The following PFKL variants were observed in gnomAD, a reference collection of about 807,000 sequenced individuals.
PFKL encodes the protein ATP-dependent 6-phosphofructokinase, liver type.
A neutral mutation model predicts 92.1 loss-of-function variants in PFKL; 74 were observed. The ratio of observed to expected loss-of-function variants is 0.80; its 90% CI spans 0.67 to 0.97. The LOEUF is 0.97. Among genes scored for constraint, PFKL ranks in the 50% least tolerant of loss-of-function variants. The pLI, the probability that PFKL is intolerant of heterozygous loss-of-function variation, is 0.00. For missense variants in PFKL, 1,028 were observed against 1,116.6 expected (o/e 0.92, Z 1.13); for synonymous variants, 494 against 456.4 (o/e 1.08, Z -1.05).
At chr21:44,323,707 T>A in intron 15 of PFKL, 59 bp from the exon 16 acceptor site, 2 of 1,550,316 alleles carry the variant, frequency 1.3e-6, no homozygotes, top group Non-Finnish European at 1.7e-6. Context: ...GCAGAGCCTG[T>A]CCCCGGCCCA....
chr21:44,322,222 G>T lies in PFKL; in HGVS notation c.1409+19G>T. On this transcript the variant is annotated intron_variant, in intron 14 of 21. Coordinates refer to ENST00000349048, the MANE Select transcript of PFKL (RefSeq NM_002626.6). ...CCAAGAGGTGAGCTGCCTGCTGCGG[G>T]TACCTGGGGGCAGGAGGGCCAGGGC... 5 of 1,593,396 alleles carry T rather than the reference G, an allele frequency of 3.1e-6. No homozygotes were observed. Among genetic ancestry groups the T allele is most frequent in the Non-Finnish European group, 4.3e-6 (5 of 1,173,626 alleles).
chr21:44,322,232 G>A (rs2277808), intron 14 of PFKL, 29 bp downstream of exon 14: 963,444 of 1,583,788 alleles, frequency 0.61, 299,552 homozygotes, highest in South Asian at 0.65. Context: ...GTACCTGGGG[G>A]CAGGAGGGCC....
intron 2 of PFKL, chr21:44,307,395 C>A: frequency 1.4e-6 from 1 of 695,070 alleles, no homozygotes; most frequent in Non-Finnish European, 1.8e-6. Context: ...ACTTGGGCCA[C>A]ACCACGCACT....
chr21:44,303,441 A>AAAAAAAAGACTTGATCG lies in PFKL; in HGVS notation c.86-3233_86-3232insGACTTGATCGAAAAAAA, dbSNP rs1568939634. Reference sequence around the variant, plus strand: ...AAAAAAACAGACTTGACCAAAAAAAAAAAAAAAAAAAAAATGGCCCGGCCT... The same window carrying AAAAAAAAGACTTGATCG: ...AAAAAAACAGACTTGACCAAAAAAAAAAAAAAAGACTTGATCGAAAAAAAAAAAAAATGGCCCGGCCT... On this transcript the variant is annotated intron_variant, in intron 1 of 21. Transcript: ENST00000349048. 7.2e-3 allele frequency among the ~76,000 whole-genome samples: 698 copies of AAAAAAAAGACTTGATCG among 97,082 alleles called. 114 individuals carry two copies. The highest frequency in any genetic ancestry group is 0.02 in the African/African-American group (375 of 18,958). 63.7% of individuals were successfully genotyped at this position (97,082 alleles called of 152,430 possible).
At position 44,312,924 on chromosome 21, in the gene PFKL, C is replaced by T. The variant is rs1257274165; in HGVS notation, c.428-54C>T. 18 of 1,586,752 alleles carry T rather than the reference C, an allele frequency of 1.1e-5. No homozygotes were observed. The East Asian group carries it at 1.8e-4, about 16-fold the overall frequency. ...GGTGGCAGGAGAGGGGTCTCTGGCCCTGTGGTGGGGCCAGTGGAGCCTCAG... is the reference window on the plus strand; with the variant it reads ...GGTGGCAGGAGAGGGGTCTCTGGCCTTGTGGTGGGGCCAGTGGAGCCTCAG... On this transcript the variant is annotated intron_variant, in intron 4 of 21. Coordinates refer to ENST00000349048, the MANE Select transcript of PFKL (RefSeq NM_002626.6).
chr21:44,307,120 C>T lies in PFKL; in HGVS notation c.159+366C>T, dbSNP rs142101651. 861 of 196,108 alleles carry T rather than the reference C, an allele frequency of 4.4e-3. 6 individuals carry two copies. Among genetic ancestry groups the T allele is most frequent in the Admixed American group, 0.026 (395 of 15,346 alleles). The allele number at this position is 196,108 out of a possible 1,614,324, so 12.1% of individuals were successfully genotyped here. On this transcript the variant is annotated intron_variant, in intron 2 of 21. Coordinates refer to ENST00000349048, the MANE Select transcript of PFKL (RefSeq NM_002626.6). ...TCCCCCAGCCTGGCCCTTGTCCCGC[C>T]CCGAGGCCTCTGTGAGTGGGGGCCA...
intron 1 of PFKL, among the ~76,000 whole-genome samples, chr21:44,300,402 C>T (rs917145945): frequency 6.6e-6 from 1 of 152,074 alleles, no homozygotes; most frequent in Admixed American, 6.5e-5. Flanking sequence ...ACGTTCTCGG[C>T]CTCCGCCTGG....
chr21:44,304,688 C>CT (rs558509269), intron 1 of PFKL, among the ~76,000 whole-genome samples: 1,511 of 127,220 alleles, frequency 0.012, 13 homozygotes, highest in South Asian at 0.022. Flanking sequence ...GCTCAGCTGT[C>CT]TGGGGGGGGC....
rs743482 is a variant in PFKL at position 44,324,092 on chromosome 21, T to C, written c.1650+174T>C. 1.5e-3 allele frequency among the ~76,000 whole-genome samples: 228 copies of C among 152,204 alleles called. 1 individual carries two copies. Among genetic ancestry groups the C allele is most frequent in the African/African-American group, 5.4e-3 (223 of 41,544 alleles). Reference sequence around the variant, plus strand: ...GGGCTCAGCTCCCTGCCATAGCCACTTCCAGGTCCAGGGGGGCCCTGCGTT... The same window carrying C: ...GGGCTCAGCTCCCTGCCATAGCCACCTCCAGGTCCAGGGGGGCCCTGCGTT... On this transcript the variant is annotated intron_variant, in intron 16 of 21. Coordinates refer to ENST00000349048, the MANE Select transcript of PFKL (RefSeq NM_002626.6).
At chr21:44,301,260 C>T (rs938167567) in intron 1 of PFKL, among the ~76,000 whole-genome samples, 7 of 152,158 alleles carry the variant, frequency 4.6e-5, no homozygotes, top group East Asian at 3.9e-4. Context: ...AGAGGGGGCT[C>T]CTTCAGACCT....
At chr21:44,316,967 A>C (rs2047226292) in intron 9 of PFKL, among the ~76,000 whole-genome samples, 1 of 151,784 alleles carries the variant, frequency 6.6e-6, no homozygotes, top group African/African-American at 2.4e-5. Flanking sequence ...GCCCTGGGAG[A>C]GGGGCTGGGT....
rs2146009818 is a variant in PFKL at position 44,321,942 on chromosome 21, G to A, written c.1338+67G>A. On this transcript the variant is annotated intron_variant, in intron 13 of 21. Coordinates refer to ENST00000349048, the MANE Select transcript of PFKL (RefSeq NM_002626.6). ...TGTGTGCACACTTGGGGCATTTCCT[G>A]TGGAAGGCCGGCTGCTGGAGGTGGA... 3.3e-6 allele frequency: 5 copies of A among 1,505,528 alleles called. No individual in the cohort carries two copies. In the South Asian group the frequency reaches 4.0e-5, roughly 12 times the overall value. The allele number at this position is 1,505,528 out of a possible 1,614,324, so 93.3% of individuals were successfully genotyped here.
chr21:44,306,629 C>G, intron 1 of PFKL, 52 bp from the exon 2 acceptor site: 1 of 1,484,840 alleles, frequency 6.7e-7, no homozygotes, highest in Non-Finnish European at 9.3e-7. Flanking sequence ...GGAGGGTGTC[C>G]AGGGCCTTGC....
In PFKL at chr21:44,325,138, T is replaced by G; in HGVS notation, c.1878-15T>G. 1 of 1,567,378 alleles carries G rather than the reference T, an allele frequency of 6.4e-7. No homozygotes were observed. Among genetic ancestry groups the G allele is most frequent in the Non-Finnish European group, 8.8e-7 (1 of 1,138,354 alleles). On this transcript the variant is annotated splice_polypyrimidine_tract_variant and intron_variant, in intron 18 of 21. Transcript: ENST00000349048. ...AACTCGTTCCCGCCGACTCAGGCCCTGCTGCCCCTCTCAGGAACGAGAAGT... is the reference window on the plus strand; with the variant it reads ...AACTCGTTCCCGCCGACTCAGGCCCGGCTGCCCCTCTCAGGAACGAGAAGT...
intron 1 of PFKL, 125 bp downstream of exon 1, chr21:44,300,315 CTCCCGCCCCGGCCTCCTGCCCCGGGT>C: frequency 6.8e-6 from 2 of 294,668 alleles, no homozygotes; most frequent in Non-Finnish European, 1.0e-5. Context: ...CCGCCCCGGC[CTCCCGCCCCGGCCTCCTGCCCCGGGT>C]CTGTCCCCCG....
chr21:44,320,218 C>T lies in PFKL; in HGVS notation c.1191+71C>T, dbSNP rs927222045. The T allele has an allele frequency of 2.2e-5, 31 of 1,419,092 alleles. No homozygotes were observed. The Admixed American group carries it at 5.0e-4, about 23-fold the overall frequency. The allele number at this position is 1,419,092 out of a possible 1,614,324, so 87.9% of individuals were successfully genotyped here. ...ATTCTGCAGCCTCTTCACGCTGGCC[C>T]CGTGGCTGGGCCTGCCTGCCCCCAC... On this transcript the variant is annotated intron_variant, in intron 12 of 21. Transcript: ENST00000349048.
Position 44,326,963 on chromosome 21 carries a change from G to C in PFKL, c.*101G>C, listed in dbSNP as rs1212470717. 7 of 1,135,752 alleles carry C rather than the reference G, an allele frequency of 6.2e-6. No homozygotes were observed. In the Admixed American group the frequency reaches 1.0e-4, roughly 17 times the overall value. 70.4% of individuals were successfully genotyped at this position (1,135,752 alleles called of 1,614,324 possible). On this transcript the variant is annotated 3_prime_UTR_variant, in exon 22 of 22. Transcript: ENST00000349048. ...TGTTGTGTCTGGAGCCTGCAGGCAG[G>C]TGGGGGCTGCGTCCCTGCTCAGCCC...
rs1349059402 is a variant in PFKL, at chr21:44,322,188, T to C, written c.1394T>C (p.Met465Thr). ...VAGWLGRGGS[M>T]LGTKRTLPKG... ...GGCTGGTTGGGGCGTGGTGGCTCCA[T>C]GCTGGGGACCAAGAGGTGAGCTGCC... is the stretch of plus-strand genomic sequence containing the variant. Residue 465 changes from methionine to threonine, a missense_variant, in exon 14 of 22, where the codon ATG becomes ACG. Physicochemically the swap from Met to Thr is moderately conservative, Grantham distance 81. Coordinates refer to ENST00000349048, the MANE Select transcript of PFKL (RefSeq NM_002626.6). 3 of 1,603,154 alleles carry C rather than the reference T, an allele frequency of 1.9e-6. 1 individual carries two copies. The Admixed American group carries it at 5.0e-5, about 27-fold the overall frequency.
rs757262520 is a variant in PFKL, at chr21:44,326,015, G to T, written c.2044G>T (p.Ala682Ser). ...RNYGTKLGVK[A>S]MLWLSEKLRE... is the part of the protein sequence containing the mutation. Reference sequence around the variant, plus strand: ...CTATGGGACCAAGCTGGGGGTGAAGGCCATGCTGTGGTTGTCGGAGAAGCT... The same window carrying T: ...CTATGGGACCAAGCTGGGGGTGAAGTCCATGCTGTGGTTGTCGGAGAAGCT... The change falls in exon 20 of 22, where the codon GCC becomes TCC. Residue 682 changes from alanine (A) to serine (S), a missense_variant. Ala to Ser is a moderately conservative substitution (Grantham distance 99). Coordinates refer to ENST00000349048, the MANE Select transcript of PFKL (RefSeq NM_002626.6). 1.9e-6 allele frequency: 3 copies of T among 1,613,802 alleles called. No homozygotes were observed. The African/African-American group carries it at 4.0e-5, about 22-fold the overall frequency.
Sources: allele counts gnomAD v4.1 joint callset (sites outside exome capture counted in the v4.1 genomes callset), GRCh38; gene constraint gnomAD v4.1.1; transcripts MANE v1.5; gene names NCBI Gene and HGNC (gene_info 2026-07-23, HGNC 2026-07-21).